EDIL3: variants seen among roughly 807,000 people sequenced by gnomAD.
The protein encoded by EDIL3 is EGF like and discoidin domains 3, also known as EGF-like repeat and discoidin I-like domain-containing protein 3.
EDIL3 carries 37 observed loss-of-function variants against 67.4 expected under a neutral mutation model. That is an observed-to-expected ratio of 0.55 (90% CI 0.42 to 0.72). The LOEUF (loss-of-function observed/expected upper bound fraction) is 0.72. Ranked by LOEUF, EDIL3 falls within the 30% of genes least tolerant of loss-of-function variation. The probability of loss-of-function intolerance (pLI) is 0.00; values close to 1 mark genes in which losing one functional copy is unlikely to be tolerated. For synonymous variants in EDIL3, 195 were observed against 196.3 expected (o/e 0.99, Z 0.05); for missense variants, 527 against 586.3 (o/e 0.90, Z 1.04).
intron 1 of EDIL3, among the ~76,000 whole-genome samples, chr5:84,304,260 A>T (rs1474427214): frequency 6.6e-6 from 1 of 152,216 alleles, no homozygotes; most frequent in Non-Finnish European, 1.5e-5. Flanking sequence ...AACATAATGT[A>T]ACATGTCTGA....
chr5:84,215,445 G>A (rs560234513), intron 3 of EDIL3, among the ~76,000 whole-genome samples: 1 of 152,038 alleles, frequency 6.6e-6, no homozygotes, highest in Admixed American at 6.5e-5. Flanking sequence ...GTAGAGATGG[G>A]GCTTCACTGT....
chr5:84,176,198 A>AATATATATATATATATATATATATATAAT (rs1748903670), intron 4 of EDIL3, among the ~76,000 whole-genome samples: 1 of 77,266 alleles, frequency 1.3e-5, no homozygotes, highest in Non-Finnish European at 2.9e-5. Flanking sequence ...ATATATATAT[A>AATATATATATATATATATATATATATAAT]ATATATATAT....
At chr5:84,037,255 C>T (rs962652664) in intron 9 of EDIL3, among the ~76,000 whole-genome samples, 20 of 152,112 alleles carry the variant, frequency 1.3e-4, no homozygotes, top group African/African-American at 4.1e-4. Flanking sequence ...CTGAAAGTTC[C>T]TAAATAAAGC....
At chr5:84,160,318 C>T (rs1054366112) in intron 4 of EDIL3, among the ~76,000 whole-genome samples, 1 of 152,070 alleles carries the variant, frequency 6.6e-6, no homozygotes, top group Non-Finnish European at 1.5e-5. Flanking sequence ...TACATCACAA[C>T]ATGGAAACAA....
chr5:84,173,442 C>A (rs1396104545), intron 4 of EDIL3, among the ~76,000 whole-genome samples: 1 of 152,106 alleles, frequency 6.6e-6, no homozygotes. Flanking sequence ...GTCACCAACT[C>A]CCCTGCACCC....
intron 9 of EDIL3, among the ~76,000 whole-genome samples, chr5:84,012,443 G>A (rs778041000): frequency 1.3e-5 from 2 of 152,038 alleles, no homozygotes; most frequent in Non-Finnish European, 2.9e-5. Flanking sequence ...CATCATTCAG[G>A]ACACAGTCCT....
At chr5:84,059,021 A>G (rs1746496393) in intron 9 of EDIL3, among the ~76,000 whole-genome samples, 1 of 152,156 alleles carries the variant, frequency 6.6e-6, no homozygotes, top group South Asian at 2.1e-4. Context: ...GCTCTAGATC[A>G]ATAAAAAATG....
chr5:84,380,786 C>T, intron 1 of EDIL3, among the ~76,000 whole-genome samples: 1 of 152,148 alleles, frequency 6.6e-6, no homozygotes, highest in Admixed American at 6.5e-5. Flanking sequence ...TAATTTAACT[C>T]TAAAAACTGT....
At chr5:84,107,917 A>G (rs1176196779) in intron 5 of EDIL3, among the ~76,000 whole-genome samples, 3 of 150,956 alleles carry the variant, frequency 2.0e-5, no homozygotes, top group African/African-American at 7.3e-5. Context: ...TATACTGAAT[A>G]TTTTGCCAAT....
chr5:84,309,309 C>CTTTTTTTTTTT (rs1746333742), intron 1 of EDIL3, among the ~76,000 whole-genome samples: 2 of 100,786 alleles, frequency 2.0e-5, no homozygotes, highest in African/African-American at 3.8e-5. Context: ...CTTTTTTTTT[C>CTTTTTTTTTTT]TTTGTTTTTT....
At chr5:84,126,419 T>C (rs767101958) in intron 5 of EDIL3, among the ~76,000 whole-genome samples, 3 of 151,998 alleles carry the variant, frequency 2.0e-5, no homozygotes, top group Non-Finnish European at 4.4e-5. Flanking sequence ...TTCAAACATA[T>C]AAAATGAAAT....
intron 7 of EDIL3, 126 bp from the exon 8 acceptor site, chr5:84,064,970 G>A: frequency 8.1e-7 from 1 of 1,231,104 alleles, no homozygotes; most frequent in African/African-American, 1.5e-5. Context: ...TGGGAGCATG[G>A]AGCATTTGAG....
At chr5:84,337,333 G>A (rs915418444) in intron 1 of EDIL3, among the ~76,000 whole-genome samples, 2 of 152,088 alleles carry the variant, frequency 1.3e-5, no homozygotes, top group African/African-American at 4.8e-5. Context: ...TTGGTAAAAA[G>A]CTAATGAAAA....
chr5:84,155,706 T>C lies in EDIL3; in HGVS notation c.356-18352A>G, dbSNP rs565131022. Among the ~76,000 whole-genome samples, 46 of 152,370 alleles carry C rather than the reference T, an allele frequency of 3.0e-4. No homozygotes were observed. The Middle Eastern group carries it at 0.01, about 34-fold the overall frequency. ...ATAAGTTCTCCAATCATATCTTTTATAACCATCAACTCTTTTTCAAGGTGA... is the reference window on the plus strand; with the variant it reads ...ATAAGTTCTCCAATCATATCTTTTACAACCATCAACTCTTTTTCAAGGTGA... On this transcript the variant is annotated intron_variant, in intron 4 of 10. Coordinates refer to ENST00000296591, the MANE Select transcript of EDIL3 (RefSeq NM_005711.5).
chr5:84,007,828 C>T (rs1478712975), intron 9 of EDIL3, among the ~76,000 whole-genome samples: 1 of 152,124 alleles, frequency 6.6e-6, no homozygotes, highest in African/African-American at 2.4e-5. Flanking sequence ...TATTCCTACT[C>T]CCAGGTTTAT....
intron 3 of EDIL3, among the ~76,000 whole-genome samples, chr5:84,213,210 CTTA>C (rs1429291638): frequency 6.7e-6 from 1 of 149,694 alleles, no homozygotes; most frequent in African/African-American, 2.5e-5. Context: ...TTTTGACGAT[CTTA>C]TAAATAAGAC....
chr5:84,279,542 T>C (rs1745653577), intron 1 of EDIL3, among the ~76,000 whole-genome samples: 2 of 152,232 alleles, frequency 1.3e-5, no homozygotes, highest in South Asian at 4.1e-4. Context: ...ATCTTAAAAC[T>C]ATTCCATTTT....
chr5:83,954,375 T>C (rs1296774222), intron 10 of EDIL3, among the ~76,000 whole-genome samples: 1 of 151,750 alleles, frequency 6.6e-6, no homozygotes, highest in Non-Finnish European at 1.5e-5. Flanking sequence ...TGCTGGGTCA[T>C]GGGGGCAGAT....
chr5:84,336,948 C>T (rs72780544), intron 1 of EDIL3, among the ~76,000 whole-genome samples: 13,823 of 151,912 alleles, frequency 0.091, 789 homozygotes, highest in South Asian at 0.2. Context: ...GGTAGTAAAA[C>T]TGAAAATCTA....
Sources: gnomAD v4.1 joint callset for allele counts (sites outside exome capture counted in the v4.1 genomes callset) on GRCh38, gnomAD v4.1.1 for gene constraint, MANE v1.5 for transcripts, NCBI Gene and HGNC (gene_info 2026-07-23, HGNC 2026-07-21) for gene names.